Variants in KCNIP4 observed in about 807,000 individuals in gnomAD.
The protein encoded by KCNIP4 is potassium voltage-gated channel interacting protein 4.
KCNIP4 carries 12 observed loss-of-function variants against 34.0 expected under a neutral mutation model. That is an observed-to-expected ratio of 0.35 (90% confidence interval 0.23 to 0.57). The LOEUF (loss-of-function observed/expected upper bound fraction) is 0.57, where lower values mean the gene tolerates loss of function less well. Among genes scored for constraint, KCNIP4 ranks in the 20% least tolerant of loss-of-function variants. The pLI, the probability that KCNIP4 is intolerant of heterozygous loss-of-function variation, is 0.83. For missense variants in KCNIP4, 238 were observed against 311.7 expected (o/e 0.76, Z 1.78); for synonymous variants, 124 against 102.2 (o/e 1.21, Z -1.29).
chr4:20,863,980 A>G (rs1157544667), intron 2 of KCNIP4, among the ~76,000 whole-genome samples: 1 of 149,356 alleles, frequency 6.7e-6, no homozygotes, highest in Non-Finnish European at 1.5e-5. Context: ...ACATATATAC[A>G]TATGTATAAC....
At chr4:20,860,917 C>T (rs1161641141) in intron 2 of KCNIP4, among the ~76,000 whole-genome samples, 2 of 152,118 alleles carry the variant, frequency 1.3e-5, no homozygotes, top group Non-Finnish European at 2.9e-5. Context: ...ATTTCCAAAG[C>T]GAATTTTCAT....
chr4:21,400,515 C>CCCT (rs1293309113), intron 1 of KCNIP4, among the ~76,000 whole-genome samples: 378 of 33,348 alleles, frequency 0.011, 14 homozygotes, highest in African/African-American at 0.043. Context: ...CTCCCTTCCT[C>CCCT]TTCTCTTCTC....
chr4:21,504,475 A>AAAAAAAAAAAAAAAAGAAAG (rs1264431211), intron 1 of KCNIP4, among the ~76,000 whole-genome samples: 10 of 101,840 alleles, frequency 9.8e-5, no homozygotes, highest in African/African-American at 1.6e-4. Flanking sequence ...CAAAAAAAAA[A>AAAAAAAAAAAAAAAAGAAAG]AAAGAAAGAA....
intron 1 of KCNIP4, among the ~76,000 whole-genome samples, chr4:21,483,631 T>TA (rs774583012): frequency 3.4e-3 from 512 of 150,548 alleles, no homozygotes; most frequent in African/African-American, 0.01. Context: ...CTACTAAAAA[T>TA]AAAAAAAAAT....
At position 21,944,363 on chromosome 4, in the gene KCNIP4, G is replaced by A. The variant is rs1360890253; in HGVS notation, c.61+4208C>T. On this transcript the variant is annotated intron_variant, in intron 1 of 8. Transcript: ENST00000382152. The stretch of plus-strand genomic sequence containing the variant: ...GTTCAAAACCAGCCTGACCAACGTG[G>A]TGAAACGCCATCTCTACTAAAAATA... 2.0e-5 allele frequency among the ~76,000 whole-genome samples: 3 copies of A among 151,852 alleles called. 1 individual carries two copies. Among genetic ancestry groups the A allele is most frequent in the Non-Finnish European group, 4.4e-5 (3 of 67,998 alleles).
intron 1 of KCNIP4, among the ~76,000 whole-genome samples, chr4:21,294,516 T>C (rs987201344): frequency 6.6e-6 from 1 of 152,180 alleles, no homozygotes; most frequent in East Asian, 1.9e-4. Flanking sequence ...GCATTCACAA[T>C]AGATTTTTAA....
At position 21,122,801 on chromosome 4, in the gene KCNIP4, G is replaced by A. The variant is rs569483585; in HGVS notation, c.62-240092C>T. Among the ~76,000 whole-genome samples, 4 of 152,326 alleles carry A rather than the reference G, an allele frequency of 2.6e-5. No individual in the cohort carries two copies. The South Asian group carries it at 8.3e-4, about 32-fold the overall frequency. ...TCTAGGACATTAGGATGACAACTGA[G>A]TCTGGTACCTTGCTCCAGTTCTAGT... On this transcript the variant is annotated intron_variant, in intron 1 of 8. Coordinates refer to ENST00000382152, the MANE Select transcript of KCNIP4 (RefSeq NM_025221.6).
chr4:21,131,968 G>A (rs900619959), intron 1 of KCNIP4, among the ~76,000 whole-genome samples: 8 of 152,188 alleles, frequency 5.3e-5, no homozygotes, highest in African/African-American at 1.9e-4. Context: ...GTGTTAATCA[G>A]TGTTAATTTT....
At chr4:21,559,920 C>A (rs182802242) in intron 1 of KCNIP4, among the ~76,000 whole-genome samples, 6 of 152,098 alleles carry the variant, frequency 3.9e-5, no homozygotes, top group African/African-American at 1.4e-4. Flanking sequence ...TTTAATTACA[C>A]TGTGGATAAC....
At chr4:21,137,715 T>C (rs980114743) in intron 1 of KCNIP4, among the ~76,000 whole-genome samples, 3 of 152,056 alleles carry the variant, frequency 2.0e-5, no homozygotes, top group Admixed American at 2.0e-4. Context: ...TATGATGAGA[T>C]TACTAGCATT....
At chr4:21,518,860 T>G (rs1209206649) in intron 1 of KCNIP4, among the ~76,000 whole-genome samples, 3 of 152,092 alleles carry the variant, frequency 2.0e-5, no homozygotes, top group Non-Finnish European at 4.4e-5. Flanking sequence ...AGGAGAGAGT[T>G]TGAGCCCTAC....
chr4:21,488,223 T>A (rs1041874724), intron 1 of KCNIP4, among the ~76,000 whole-genome samples: 72 of 152,280 alleles, frequency 4.7e-4, no homozygotes, highest in African/African-American at 1.6e-3. Flanking sequence ...ACCACACAGA[T>A]CATTCTAAAC....
intron 1 of KCNIP4, among the ~76,000 whole-genome samples, chr4:21,642,125 C>A (rs1746659564): frequency 6.6e-6 from 1 of 152,202 alleles, no homozygotes; most frequent in African/African-American, 2.4e-5. Flanking sequence ...TTCCACACAG[C>A]ACTCCTTCTC....
intron 1 of KCNIP4, among the ~76,000 whole-genome samples, chr4:21,708,689 G>A (rs1465249221): frequency 2.6e-5 from 4 of 152,030 alleles, no homozygotes; most frequent in Admixed American, 2.6e-4. Context: ...AGTGAGTCAA[G>A]GAAGCCTCAT....
chr4:21,481,395 T>G (rs1460655134), intron 1 of KCNIP4, among the ~76,000 whole-genome samples: 1 of 152,088 alleles, frequency 6.6e-6, no homozygotes, highest in East Asian at 1.9e-4. Context: ...AGGGGACGCC[T>G]GGAGAAGACC....
chr4:20,793,083 AAAGATAGT>A (rs1411639038), intron 3 of KCNIP4, among the ~76,000 whole-genome samples: 2 of 152,210 alleles, frequency 1.3e-5, no homozygotes, highest in Non-Finnish European at 2.9e-5. Context: ...ACCCAGGGGA[AAAGATAGT>A]AAGTATTTAT....
At chr4:21,631,244 A>C (rs1032160077) in intron 1 of KCNIP4, among the ~76,000 whole-genome samples, 1 of 152,206 alleles carries the variant, frequency 6.6e-6, no homozygotes, top group African/African-American at 2.4e-5. Flanking sequence ...TAAACACTCA[A>C]TGAGTATATG....
At chr4:21,751,769 C>T (rs1717166115) in intron 1 of KCNIP4, among the ~76,000 whole-genome samples, 1 of 151,956 alleles carries the variant, frequency 6.6e-6, no homozygotes, top group Non-Finnish European at 1.5e-5. Flanking sequence ...GGGTTGAACA[C>T]AGGTAGAGAA....
intron 1 of KCNIP4, among the ~76,000 whole-genome samples, chr4:21,533,819 A>T (rs527486120): frequency 1.3e-5 from 2 of 152,176 alleles, no homozygotes; most frequent in Non-Finnish European, 2.9e-5. Context: ...GGAAGTTACA[A>T]GAAAGTAAAA....
Sources: gnomAD v4.1 joint callset for allele counts (sites outside exome capture counted in the v4.1 genomes callset) on GRCh38, gnomAD v4.1.1 for gene constraint, MANE v1.5 for transcripts, NCBI Gene and HGNC (gene_info 2026-07-23, HGNC 2026-07-21) for gene names.